Variants in ANKRD36C observed in about 807,000 individuals in gnomAD.
The protein encoded by ANKRD36C is ankyrin repeat domain-containing protein 36C.
A neutral mutation model predicts 276.4 loss-of-function variants in ANKRD36C; 61 were observed. The observed-to-expected ratio is 0.22, with a 90% CI of 0.18 to 0.27. The LOEUF is 0.27. Among genes scored for constraint, ANKRD36C ranks in the 10% least tolerant of loss-of-function variants. The probability of loss-of-function intolerance (pLI) is 1.00; values close to 1 mark genes in which losing one functional copy is unlikely to be tolerated. For missense variants in ANKRD36C, 1,447 were observed against 2,032.3 expected (o/e 0.71, Z 5.54); for synonymous variants, 483 against 680.1 (o/e 0.71, Z 4.51).
chr2:95,964,739 GTTA>G lies in ANKRD36C; in HGVS notation c.800-2195_800-2193del, dbSNP rs566098759. ...TCTATGCTTTCACATCATATTATGA[GTTA>G]TTATCATAGGCTCAGCAGCCTATCT... is the stretch of plus-strand genomic sequence containing the variant. On this transcript the variant is annotated intron_variant, in intron 6 of 66. Coordinates refer to ENST00000456556, the Ensembl canonical transcript of ANKRD36C. Among the ~76,000 whole-genome samples, 821 of 152,012 alleles carry G rather than the reference GTTA, an allele frequency of 5.4e-3. 8 individuals carry two copies. Among genetic ancestry groups the G allele is most frequent in the African/African-American group, 0.019 (779 of 41,474 alleles).
chr2:95,881,050 C>T lies in ANKRD36C; in HGVS notation c.3368-427G>A, dbSNP rs561398869. On this transcript the variant is annotated intron_variant, in intron 56 of 66. Transcript: ENST00000456556. ...GTATAACATAAACATTCATCATGCT[C>T]TTTAGCTTGTCTGATAACTGAGAAG... is the stretch of plus-strand genomic sequence containing the variant. 2.6e-5 allele frequency among the ~76,000 whole-genome samples: 4 copies of T among 152,326 alleles called. No homozygotes were observed. The South Asian group carries it at 8.3e-4, about 32-fold the overall frequency.
At position 95,968,673 on chromosome 2, in the gene ANKRD36C, G is replaced by A. The variant is rs539969065; in HGVS notation, c.800-6126C>T. On this transcript the variant is annotated intron_variant, in intron 6 of 66. Coordinates refer to ENST00000456556, the Ensembl canonical transcript of ANKRD36C. ...TTCCTATGGGTGCCCTGTAATTCTGGCACTATCTACTTGGGGATTGTGTCA... is the reference window on the plus strand; with the variant it reads ...TTCCTATGGGTGCCCTGTAATTCTGACACTATCTACTTGGGGATTGTGTCA... Among the ~76,000 whole-genome samples, 5 of 152,244 alleles carry A rather than the reference G, an allele frequency of 3.3e-5. No homozygotes were observed. In the South Asian group the frequency reaches 6.2e-4, roughly 19 times the overall value.
At position 95,888,088 on chromosome 2, in the gene ANKRD36C, T is replaced by A. The variant is rs747215936; in HGVS notation, c.2988+4A>T. 14 of 1,609,470 alleles carry A rather than the reference T, an allele frequency of 8.7e-6. No individual in the cohort carries two copies. The South Asian group carries it at 1.5e-4, about 18-fold the overall frequency. On this transcript the variant is annotated splice_donor_region_variant and intron_variant, in intron 49 of 66. Transcript: ENST00000456556. ...GTTCACAATATAAATGACAGTTTAA[T>A]TACCTTCAAGGCTGGTTGTTTCTGA...
chr2:95,903,982 T>C (rs1247617978), intron 42 of ANKRD36C, among the ~76,000 whole-genome samples: 31 of 44,510 alleles, frequency 7.0e-4, no homozygotes, highest in African/African-American at 2.9e-3. Flanking sequence ...ATGAAATAGC[T>C]ATTGTATCCA....
intron 59 of ANKRD36C, among the ~76,000 whole-genome samples, chr2:95,874,366 A>T (rs1483720046): frequency 2.6e-5 from 4 of 152,220 alleles, no homozygotes; most frequent in African/African-American, 9.6e-5. Context: ...GCCCTCAGAA[A>T]TAACGCCGCA....
intron 32 of ANKRD36C, among the ~76,000 whole-genome samples, chr2:95,922,427 T>C (rs1677297245): frequency 1.3e-5 from 2 of 151,616 alleles, no homozygotes; most frequent in African/African-American, 4.8e-5. Context: ...GTTTCCTGTA[T>C]TCTCTAGTTT....
chr2:95,890,638 T>C (rs1391992796), intron 46 of ANKRD36C, among the ~76,000 whole-genome samples: 1 of 151,526 alleles, frequency 6.6e-6, no homozygotes, highest in African/African-American at 2.4e-5. Context: ...AGTTTCTTCA[T>C]CCACTCTTGG....
chr2:95,938,322 T>C (rs1488336915), intron 22 of ANKRD36C, among the ~76,000 whole-genome samples: 5 of 152,304 alleles, frequency 3.3e-5, no homozygotes, highest in Non-Finnish European at 5.9e-5. Context: ...AAAAGAATGA[T>C]TAATCATTTT....
intron 18 of ANKRD36C, 118 bp from the exon 19 acceptor site, chr2:95,944,812 C>G: frequency 1.9e-6 from 2 of 1,064,696 alleles, no homozygotes; most frequent in Non-Finnish European, 2.7e-6. Flanking sequence ...CCGATGCAGG[C>G]AGATCATATG....
chr2:95,908,428 G>A (rs1029033843), intron 42 of ANKRD36C, 74 bp downstream of exon 48: 28 of 1,286,412 alleles, frequency 2.2e-5, no homozygotes, highest in African/African-American at 6.0e-5. Context: ...CGAGCCCCCC[G>A]CTGATTTATT....
intron 60 of ANKRD36C, among the ~76,000 whole-genome samples, chr2:95,863,273 G>A (rs987882047): frequency 5.5e-4 from 83 of 152,062 alleles, no homozygotes; most frequent in Non-Finnish European, 8.7e-4. Flanking sequence ...ATGAAAATTA[G>A]CAAATCTCAA....
chr2:95,888,699 C>G (rs937565381), intron 48 of ANKRD36C, among the ~76,000 whole-genome samples: 1 of 151,606 alleles, frequency 6.6e-6, no homozygotes, highest in Non-Finnish European at 1.5e-5. Context: ...TTCTCACACC[C>G]CTGTGGTGTA....
intron 19 of ANKRD36C, among the ~76,000 whole-genome samples, chr2:95,943,341 C>T (rs1677947208): frequency 6.6e-6 from 1 of 150,814 alleles, no homozygotes; most frequent in East Asian, 2.0e-4. Flanking sequence ...AAAAATTAGC[C>T]GGGCGTGATG....
intron 45 of ANKRD36C, 23 bp from the exon 66 acceptor site, chr2:95,891,760 T>C: frequency 6.4e-7 from 1 of 1,564,474 alleles, no homozygotes; most frequent in South Asian, 1.2e-5. Flanking sequence ...TGAAATGAAA[T>C]AATAAATTAA....
In ANKRD36C at chr2:95,875,521, G is replaced by A. The variant is rs1363271779; in HGVS notation, c.3540+918C>T. Among the ~76,000 whole-genome samples the A allele has an allele frequency of 4.9e-5, 6 of 121,464 alleles. No homozygotes were observed. The East Asian group carries it at 1.8e-3, about 36-fold the overall frequency. 79.7% of individuals were successfully genotyped at this position (121,464 alleles called of 152,430 possible). A position where few individuals can be genotyped will look rare whatever the true frequency, so the allele number is the denominator to read the frequency against. On this transcript the variant is annotated intron_variant, in intron 59 of 66. Coordinates refer to ENST00000456556, the Ensembl canonical transcript of ANKRD36C. The stretch of plus-strand genomic sequence containing the variant: ...CAGGAAGGGGAACATCACACTCTGG[G>A]GACTGTTGTGGGGTGGGGGGAGGGG...
intron 52 of ANKRD36C, among the ~76,000 whole-genome samples, chr2:95,885,732 T>C (rs1676185709): frequency 6.6e-6 from 1 of 151,882 alleles, no homozygotes; most frequent in Admixed American, 6.6e-5. Flanking sequence ...CGTCTCGTTC[T>C]CCTTCCCCTC....
At chr2:95,894,940 A>AAT (rs1457435554) in intron 44 of ANKRD36C, among the ~76,000 whole-genome samples, 2 of 150,188 alleles carry the variant, frequency 1.3e-5, no homozygotes, top group Non-Finnish European at 3.0e-5. Flanking sequence ...CCTGCCTCAC[A>AAT]ATCCGTCTTC....
chr2:95,912,136 C>T, intron 42 of ANKRD36C, 108 bp downstream of exon 44: 1 of 1,437,954 alleles, frequency 7.0e-7, no homozygotes, highest in Non-Finnish European at 9.4e-7. Flanking sequence ...AATCTCAGGC[C>T]TGCTGAATCA....
chr2:95,962,137 C>A (rs1324761457), intron 8 of ANKRD36C, among the ~76,000 whole-genome samples: 3 of 151,986 alleles, frequency 2.0e-5, no homozygotes, highest in Non-Finnish European at 4.4e-5. Flanking sequence ...TCATTCCTGC[C>A]AATTTCACTG....
Sources: allele counts gnomAD v4.1 joint callset (sites outside exome capture counted in the v4.1 genomes callset), GRCh38; gene constraint gnomAD v4.1.1; transcripts MANE v1.5; gene names NCBI Gene and HGNC (gene_info 2026-07-23, HGNC 2026-07-21).